EPM2A: variants seen among roughly 807,000 people sequenced by gnomAD.
EPM2A encodes EPM2A glucan phosphatase, laforin.
EPM2A carries 21 observed loss-of-function variants against 26.5 expected under a neutral mutation model. That is an observed-to-expected ratio of 0.79 (90% CI 0.56 to 1.14). The LOEUF is 1.14. Among genes scored for constraint, EPM2A ranks in the 50% most tolerant of loss-of-function variants. The pLI, the probability that EPM2A is intolerant of heterozygous loss-of-function variation, is 0.00. For synonymous variants in EPM2A, 217 were observed against 177.6 expected, an observed-to-expected ratio of 1.22 and a Z score of -1.76; for missense variants, 458 against 440.8, an observed-to-expected ratio of 1.04 and a Z score of -0.35.
intron 2 of EPM2A, among the ~76,000 whole-genome samples, chr6:145,602,831 T>A (rs940144327): frequency 6.6e-6 from 1 of 152,200 alleles, no homozygotes; most frequent in Non-Finnish European, 1.5e-5. Flanking sequence ...TTATTGAGAT[T>A]GGAATACCTT....
intron 2 of EPM2A, among the ~76,000 whole-genome samples, chr6:145,537,406 A>C (rs1041196193): frequency 1.3e-5 from 2 of 152,070 alleles, no homozygotes; most frequent in Non-Finnish European, 2.9e-5. Context: ...AGACACAAAT[A>C]CTCTGATAAT....
chr6:145,502,594 G>T (rs1478099780), intron 2 of EPM2A: 2 of 470,920 alleles, frequency 4.2e-6, no homozygotes, highest in Admixed American at 4.7e-5. Flanking sequence ...AGGAGGAGAG[G>T]AGTGGCAGCT....
downstream of EPM2A, among the ~76,000 whole-genome samples, chr6:145,621,606 A>G (rs1582903816): frequency 6.8e-6 from 1 of 147,798 alleles, no homozygotes; most frequent in Admixed American, 6.7e-5. Flanking sequence ...AACATTTACT[A>G]TCTCTTGCTT....
At chr6:145,689,575 A>T (rs1354999888) in intron 1 of EPM2A, among the ~76,000 whole-genome samples, 1 of 152,206 alleles carries the variant, frequency 6.6e-6, no homozygotes, top group Admixed American at 6.5e-5. Flanking sequence ...TAACACAAGG[A>T]CAGAAAAAGA....
At chr6:145,389,964 G>A (rs1448148382) in intron 4 of EPM2A, among the ~76,000 whole-genome samples, 1 of 152,190 alleles carries the variant, frequency 6.6e-6, no homozygotes, top group Non-Finnish European at 1.5e-5. Context: ...TAATTCTTGT[G>A]TTTTCTTATT....
intron 4 of EPM2A, among the ~76,000 whole-genome samples, chr6:145,458,936 C>T (rs752778094): frequency 1.8e-4 from 27 of 152,078 alleles, no homozygotes; most frequent in Non-Finnish European, 3.5e-4. Context: ...TTCAATTTCT[C>T]CAGACAGACA....
chr6:145,571,646 C>T (rs750846698), intron 2 of EPM2A, among the ~76,000 whole-genome samples: 8 of 152,302 alleles, frequency 5.3e-5, no homozygotes, highest in East Asian at 1.9e-4. Context: ...GGTGCCATAT[C>T]GAGGGCTCAG....
At chr6:145,519,269 G>A (rs1334447589) in intron 2 of EPM2A, among the ~76,000 whole-genome samples, 1 of 152,110 alleles carries the variant, frequency 6.6e-6, no homozygotes, top group Non-Finnish European at 1.5e-5. Context: ...TTCAGAGAAG[G>A]GAGAAACCTT....
chr6:145,596,246 T>C (rs1781342293), intron 2 of EPM2A, among the ~76,000 whole-genome samples: 1 of 152,246 alleles, frequency 6.6e-6, no homozygotes, highest in South Asian at 2.1e-4. Flanking sequence ...TGATAGGTAA[T>C]TGTGCAATTT....
chr6:145,696,698 G>A (rs557578912), intron 1 of EPM2A, among the ~76,000 whole-genome samples: 2 of 151,610 alleles, frequency 1.3e-5, no homozygotes, highest in East Asian at 3.9e-4. Flanking sequence ...GTTAGAATTT[G>A]GAGGATCAGG....
chr6:145,553,500 C>T (rs1024729198), intron 2 of EPM2A, among the ~76,000 whole-genome samples: 1 of 152,046 alleles, frequency 6.6e-6, no homozygotes, highest in Non-Finnish European at 1.5e-5. Flanking sequence ...TGTCTACCTT[C>T]CAATCCTTTG....
At chr6:145,594,265 TA>T (rs1781311295) in intron 2 of EPM2A, among the ~76,000 whole-genome samples, 3 of 151,858 alleles carry the variant, frequency 2.0e-5, no homozygotes, top group East Asian at 1.9e-4. Context: ...AAAATCTATT[TA>T]AAAAATTAAA....
rs528429329 is a variant in EPM2A, at chr6:145,697,156, T to A, written c.302-10860A>T. Among the ~76,000 whole-genome samples the A allele has an allele frequency of 1.6e-4, 24 of 152,210 alleles. No homozygotes were observed. In the South Asian group the frequency reaches 4.4e-3, roughly 28 times the overall value. On this transcript the variant is annotated intron_variant, in intron 1 of 3. Coordinates refer to ENST00000367519, the MANE Select transcript of EPM2A (RefSeq NM_005670.4). Reference sequence around the variant, plus strand: ...TCTATTTTCCCTAAGTGTCAGCCGATCTGAGAAATAAGGGACAGAGTACAA... The same window carrying A: ...TCTATTTTCCCTAAGTGTCAGCCGAACTGAGAAATAAGGGACAGAGTACAA...
At chr6:145,420,486 A>T (rs1778767902) in intron 4 of EPM2A, among the ~76,000 whole-genome samples, 1 of 152,146 alleles carries the variant, frequency 6.6e-6, no homozygotes, top group Non-Finnish European at 1.5e-5. Context: ...AGTTCTTTTT[A>T]TAACAGATAA....
intron 2 of EPM2A, among the ~76,000 whole-genome samples, chr6:145,592,659 TA>T (rs1451697333): frequency 5.9e-5 from 9 of 152,192 alleles, no homozygotes; most frequent in Admixed American, 3.3e-4. Context: ...CCTGACTTTT[TA>T]ATGATCACCA....
intron 2 of EPM2A, among the ~76,000 whole-genome samples, chr6:145,644,203 C>A (rs1777289020): frequency 6.6e-6 from 1 of 152,176 alleles, no homozygotes; most frequent in African/African-American, 2.4e-5. Flanking sequence ...AGCATTGTAT[C>A]TCTGTTGTTA....
chr6:145,715,292 C>G (rs550203178), intron 1 of EPM2A, among the ~76,000 whole-genome samples: 11 of 152,192 alleles, frequency 7.2e-5, no homozygotes, highest in African/African-American at 2.6e-4. Flanking sequence ...CACTCATACA[C>G]AGGTACACTC....
At chr6:145,464,045 T>C (rs989828330) in intron 4 of EPM2A, among the ~76,000 whole-genome samples, 3 of 152,066 alleles carry the variant, frequency 2.0e-5, no homozygotes, top group African/African-American at 7.2e-5. Context: ...ACCCTCTTTC[T>C]CTTTCTTTCT....
chr6:145,709,861 T>C lies in EPM2A; in HGVS notation c.302-23565A>G, dbSNP rs568591262. Among the ~76,000 whole-genome samples the C allele has an allele frequency of 2.6e-3, 396 of 152,098 alleles. 3 individuals are homozygous for C. The highest frequency in any genetic ancestry group is 9.2e-3 in the African/African-American group (383 of 41,480). ...TTGTGGGATTGACAAAAACAAGAAA[T>C]GGGGAAAAGATTCCCTATTTAATAA... On this transcript the variant is annotated intron_variant, in intron 1 of 3. Transcript: ENST00000367519.
Sources: gnomAD v4.1 joint callset for allele counts (sites outside exome capture counted in the v4.1 genomes callset) on GRCh38, gnomAD v4.1.1 for gene constraint, MANE v1.5 for transcripts, NCBI Gene and HGNC (gene_info 2026-07-23, HGNC 2026-07-21) for gene names.